The following GRIK2 variants were observed in gnomAD, a reference collection of about 807,000 sequenced individuals.
GRIK2 encodes the protein glutamate ionotropic receptor kainate type subunit 2.
In GRIK2, 32 loss-of-function variants were observed where a neutral mutation model predicts 100.3. The observed-to-expected ratio is 0.32, with a 90% confidence interval of 0.24 to 0.43. The LOEUF (loss-of-function observed/expected upper bound fraction) is 0.43, where lower values mean the gene tolerates loss of function less well. Among genes scored for constraint, GRIK2 ranks in the 20% least tolerant of loss-of-function variants. GRIK2 has a pLI of 1.00. For missense variants in GRIK2, 843 were observed against 1,114.9 expected, an observed-to-expected ratio of 0.76 and a Z score of 3.47; for synonymous variants, 417 against 389.4, an observed-to-expected ratio of 1.07 and a Z score of -0.83.
chr6:101,856,931 A>G (rs892820018), intron 10 of GRIK2, among the ~76,000 whole-genome samples: 3 of 152,194 alleles, frequency 2.0e-5, no homozygotes, highest in Non-Finnish European at 1.5e-5. Flanking sequence ...CGAGAATAAT[A>G]AGAATTTGAA....
chr6:101,899,108 T>G (rs1010904869), intron 12 of GRIK2, among the ~76,000 whole-genome samples: 8 of 150,950 alleles, frequency 5.3e-5, no homozygotes, highest in East Asian at 1.9e-4. Flanking sequence ...TTTTGTTTTT[T>G]TTTTTTTTAA....
chr6:101,740,546 T>A (rs780199600), intron 7 of GRIK2, among the ~76,000 whole-genome samples: 1 of 152,186 alleles, frequency 6.6e-6, no homozygotes, highest in Non-Finnish European at 1.5e-5. Context: ...GCTCTTGTTT[T>A]TCTTTGTTAG....
At chr6:101,753,467 T>C (rs954336319) in intron 7 of GRIK2, among the ~76,000 whole-genome samples, 2 of 152,080 alleles carry the variant, frequency 1.3e-5, no homozygotes, top group Admixed American at 6.6e-5. Context: ...TGATGCATTG[T>C]AAGTTATGGA....
intron 2 of GRIK2, among the ~76,000 whole-genome samples, chr6:101,416,613 T>G (rs1216125484): frequency 1.3e-5 from 2 of 152,224 alleles, no homozygotes; most frequent in East Asian, 3.8e-4. Context: ...ACATAACAAT[T>G]AACATTTTGA....
At chr6:102,043,164 TTAAAC>T (rs1387324727) in intron 15 of GRIK2, among the ~76,000 whole-genome samples, 4 of 151,928 alleles carry the variant, frequency 2.6e-5, no homozygotes, top group Admixed American at 1.3e-4. Context: ...AAAAAATTTT[TTAAAC>T]TAAACAGTTA....
At chr6:101,830,067 A>G (rs1245960309) in intron 10 of GRIK2, among the ~76,000 whole-genome samples, 1 of 152,142 alleles carries the variant, frequency 6.6e-6, no homozygotes, top group African/African-American at 2.4e-5. Flanking sequence ...TGGGATTGGT[A>G]TAAATATAGA....
chr6:101,514,678 T>G (rs983755118), intron 2 of GRIK2, among the ~76,000 whole-genome samples: 7 of 151,986 alleles, frequency 4.6e-5, no homozygotes, highest in African/African-American at 1.7e-4. Context: ...GAAAGTGGAA[T>G]AGAACAAGAT....
intron 2 of GRIK2, among the ~76,000 whole-genome samples, chr6:101,463,142 AT>A (rs1771427195): frequency 6.6e-6 from 1 of 152,216 alleles, no homozygotes; most frequent in South Asian, 2.1e-4. Flanking sequence ...ATGACAAATT[AT>A]TTTAAACAAT....
chr6:102,046,145 G>A (rs1770875514), intron 15 of GRIK2, among the ~76,000 whole-genome samples: 2 of 151,894 alleles, frequency 1.3e-5, no homozygotes, highest in South Asian at 4.2e-4. Flanking sequence ...CATAATAATT[G>A]TAAATATATA....
At chr6:101,831,168 T>G (rs2128428063) in intron 10 of GRIK2, among the ~76,000 whole-genome samples, 1 of 152,254 alleles carries the variant, frequency 6.6e-6, no homozygotes. Flanking sequence ...TAGTTATTCC[T>G]TTTATATGTA....
chr6:101,872,948 T>C (rs1785526950), intron 11 of GRIK2, among the ~76,000 whole-genome samples: 1 of 151,886 alleles, frequency 6.6e-6, no homozygotes, highest in Admixed American at 6.6e-5. Context: ...GTTCACTCCT[T>C]AGCAGAGCTG....
At chr6:101,935,202 T>G (rs1278329016) in intron 14 of GRIK2, among the ~76,000 whole-genome samples, 1 of 151,916 alleles carries the variant, frequency 6.6e-6, no homozygotes, top group Non-Finnish European at 1.5e-5. Context: ...AGAAATTCTT[T>G]ATGGTACTTC....
chr6:101,549,858 A>T (rs1776423649), intron 2 of GRIK2, among the ~76,000 whole-genome samples: 1 of 152,190 alleles, frequency 6.6e-6, no homozygotes, highest in Non-Finnish European at 1.5e-5. Flanking sequence ...AACTATAATT[A>T]TCCCCATTTT....
intron 2 of GRIK2, among the ~76,000 whole-genome samples, chr6:101,505,051 G>GT (rs955455541): frequency 2.0e-4 from 23 of 113,068 alleles, no homozygotes; most frequent in Non-Finnish European, 3.4e-4. Context: ...TTGTCATTAA[G>GT]TTTTTTTTGT....
chr6:101,699,478 G>A (rs1343516182), intron 7 of GRIK2, among the ~76,000 whole-genome samples: 1 of 152,048 alleles, frequency 6.6e-6, no homozygotes, highest in African/African-American at 2.4e-5. Context: ...TCTTCTCTGA[G>A]ACTATCAGGC....
intron 11 of GRIK2, among the ~76,000 whole-genome samples, chr6:101,865,325 T>C (rs993050522): frequency 2.6e-5 from 4 of 152,202 alleles, no homozygotes; most frequent in African/African-American, 9.7e-5. Flanking sequence ...ATCAAGCCTT[T>C]TATGATTCAT....
chr6:102,056,646 A>G (rs1771474842), intron 16 of GRIK2, among the ~76,000 whole-genome samples: 1 of 151,996 alleles, frequency 6.6e-6, no homozygotes, highest in African/African-American at 2.4e-5. Flanking sequence ...AATGCCATAC[A>G]GGAATACCAG....
chr6:101,792,412 A>G (rs1779940437), intron 7 of GRIK2, among the ~76,000 whole-genome samples: 1 of 151,998 alleles, frequency 6.6e-6, no homozygotes, highest in South Asian at 2.1e-4. Context: ...GGTGGTGACA[A>G]AATCTCTCAG....
At chr6:101,444,069 TTTTG>T (rs374486097) in intron 2 of GRIK2, among the ~76,000 whole-genome samples, 49 of 145,462 alleles carry the variant, frequency 3.4e-4, no homozygotes, top group African/African-American at 8.9e-4. Flanking sequence ...TTCCGGGTTT[TTTTG>T]TTTGTTTGTT....
Sources: allele counts gnomAD v4.1 joint callset (sites outside exome capture counted in the v4.1 genomes callset), GRCh38; gene constraint gnomAD v4.1.1; transcripts MANE v1.5; gene names NCBI Gene and HGNC (gene_info 2026-07-23, HGNC 2026-07-21).